The following GRM8 variants were observed in gnomAD, a reference collection of about 807,000 sequenced individuals.
GRM8 encodes glutamate metabotropic receptor 8, also known as metabotropic glutamate receptor 8.
A neutral mutation model predicts 87.2 loss-of-function variants in GRM8; 47 were observed. The ratio of observed to expected loss-of-function variants is 0.54; its 90% CI spans 0.43 to 0.69. The LOEUF (loss-of-function observed/expected upper bound fraction) is 0.69, where lower values mean the gene tolerates loss of function less well. Among genes scored for constraint, GRM8 ranks in the 30% least tolerant of loss-of-function variants. The pLI is 0.00. For missense variants in GRM8, 1,019 were observed against 1,139.2 expected (o/e 0.89, Z 1.52); for synonymous variants, 396 against 404.5 (o/e 0.98, Z 0.25).
intron 7 of GRM8, among the ~76,000 whole-genome samples, chr7:126,635,958 A>G (rs190334194): frequency 1.3e-5 from 2 of 152,278 alleles, no homozygotes; most frequent in East Asian, 3.9e-4. Context: ...CTTGTACTAG[A>G]AAGTTGATAT....
chr7:126,853,831 C>G (rs1178672869), intron 6 of GRM8, among the ~76,000 whole-genome samples: 1 of 152,184 alleles, frequency 6.6e-6, no homozygotes, highest in Non-Finnish European at 1.5e-5. Flanking sequence ...TGCTTTTCCT[C>G]TTTCCTCTCT....
At chr7:126,777,333 T>C (rs977924983) in intron 6 of GRM8, among the ~76,000 whole-genome samples, 9 of 152,074 alleles carry the variant, frequency 5.9e-5, no homozygotes, top group Non-Finnish European at 8.8e-5. Flanking sequence ...CTTGTACAAA[T>C]AGAAGAACTG....
At chr7:127,054,806 T>C (rs1165021376) in intron 3 of GRM8, among the ~76,000 whole-genome samples, 1 of 152,052 alleles carries the variant, frequency 6.6e-6, no homozygotes, top group African/African-American at 2.4e-5. Context: ...AAAATAGATA[T>C]GGTAGTGTAC....
At chr7:127,151,334 A>G (rs534494108) in intron 2 of GRM8, among the ~76,000 whole-genome samples, 1 of 152,176 alleles carries the variant, frequency 6.6e-6, no homozygotes, top group African/African-American at 2.4e-5. Flanking sequence ...CATACAGACC[A>G]ACCACCTCCA....
At chr7:127,172,687 TGAC>T (rs1793882089) in intron 2 of GRM8, among the ~76,000 whole-genome samples, 1 of 148,324 alleles carries the variant, frequency 6.7e-6, no homozygotes, top group Non-Finnish European at 1.5e-5. Flanking sequence ...CCAGGCTGGG[TGAC>T]AGTGCGAGAC....
chr7:127,131,766 G>T (rs1390371534), intron 2 of GRM8, among the ~76,000 whole-genome samples: 1 of 151,818 alleles, frequency 6.6e-6, no homozygotes, highest in Non-Finnish European at 1.5e-5. Context: ...TAATTTTGTG[G>T]TGGGAGACTT....
chr7:126,924,686 C>T (rs1804902635), intron 3 of GRM8, among the ~76,000 whole-genome samples: 1 of 152,036 alleles, frequency 6.6e-6, no homozygotes. Flanking sequence ...ATCTTAGAAG[C>T]TGATGACGTC....
At chr7:127,036,133 T>G (rs545622320) in intron 3 of GRM8, among the ~76,000 whole-genome samples, 45 of 152,280 alleles carry the variant, frequency 3.0e-4, no homozygotes, top group African/African-American at 1.1e-3. Flanking sequence ...GTCATAACTA[T>G]CAGTTGTCCA....
chr7:126,559,577 G>C (rs971985993), intron 8 of GRM8, among the ~76,000 whole-genome samples: 1 of 152,114 alleles, frequency 6.6e-6, no homozygotes, highest in African/African-American at 2.4e-5. Context: ...GATAATTCTT[G>C]AATAGATCAC....
At chr7:127,101,150 C>T (rs1434745367) in intron 3 of GRM8, among the ~76,000 whole-genome samples, 1 of 152,146 alleles carries the variant, frequency 6.6e-6, no homozygotes, top group African/African-American at 2.4e-5. Flanking sequence ...AGCTCTGTGT[C>T]CCGTTACTAA....
intron 3 of GRM8, among the ~76,000 whole-genome samples, chr7:126,965,892 A>C (rs76992080): frequency 6.7e-6 from 1 of 149,646 alleles, no homozygotes; most frequent in East Asian, 2.0e-4. Context: ...AAATTGAGTG[A>C]TTTTTTTTTT....
intron 7 of GRM8, among the ~76,000 whole-genome samples, chr7:126,743,516 A>T (rs1425755282): frequency 3.3e-5 from 5 of 152,240 alleles, no homozygotes; most frequent in East Asian, 1.9e-4. Flanking sequence ...AAGAATATGC[A>T]CCTGGAGCGA....
At chr7:126,624,633 G>A (rs1463138094) in intron 7 of GRM8, among the ~76,000 whole-genome samples, 1 of 152,156 alleles carries the variant, frequency 6.6e-6, no homozygotes, top group African/African-American at 2.4e-5. Flanking sequence ...TCAGACTATT[G>A]GATGAGGATC....
At chr7:126,514,501 G>A (rs529559339) in intron 9 of GRM8, among the ~76,000 whole-genome samples, 3 of 152,188 alleles carry the variant, frequency 2.0e-5, no homozygotes, top group African/African-American at 7.2e-5. Context: ...TTGTATAACT[G>A]TGGTCAAAGT....
intron 6 of GRM8, among the ~76,000 whole-genome samples, chr7:126,801,753 T>A (rs1822726890): frequency 6.6e-6 from 1 of 151,962 alleles, no homozygotes; most frequent in Non-Finnish European, 1.5e-5. Context: ...AGTAAGAAGG[T>A]AAGTAGAGAG....
intron 3 of GRM8, among the ~76,000 whole-genome samples, chr7:127,055,203 T>C (rs1180829172): frequency 4.1e-4 from 12 of 29,576 alleles, no homozygotes; most frequent in Non-Finnish European, 1.6e-4. Context: ...AAGGGAACAT[T>C]TTTTTAAATG....
chr7:126,852,544 A>G (rs563998682), intron 6 of GRM8, among the ~76,000 whole-genome samples: 2 of 152,352 alleles, frequency 1.3e-5, no homozygotes, highest in Non-Finnish European at 2.9e-5. Flanking sequence ...GAAAAGAAAG[A>G]GCTGACAGTA....
At chr7:126,901,738 G>A (rs1461358902) in intron 6 of GRM8, among the ~76,000 whole-genome samples, 3 of 152,192 alleles carry the variant, frequency 2.0e-5, no homozygotes, top group Non-Finnish European at 4.4e-5. Flanking sequence ...GTAGTTTTCA[G>A]TGTAAAGGAT....
At chr7:126,460,714 A>T (rs1404134047) in intron 9 of GRM8, among the ~76,000 whole-genome samples, 3 of 151,582 alleles carry the variant, frequency 2.0e-5, no homozygotes, top group Non-Finnish European at 4.4e-5. Context: ...TACCTGAAAG[A>T]GCTAAATACA....
Sources: allele counts gnomAD v4.1 joint callset (sites outside exome capture counted in the v4.1 genomes callset), GRCh38; gene constraint gnomAD v4.1.1; transcripts MANE v1.5; gene names NCBI Gene and HGNC (gene_info 2026-07-23, HGNC 2026-07-21).